Variants in RPIA observed in about 807,000 individuals in gnomAD.
The protein encoded by RPIA is ribose 5-phosphate isomerase A.
A neutral mutation model predicts 37.8 loss-of-function variants in RPIA; 29 were observed. The ratio of observed to expected loss-of-function variants is 0.77; its 90% CI spans 0.57 to 1.05. The LOEUF (loss-of-function observed/expected upper bound fraction) is 1.05. Ranked by LOEUF, RPIA falls within the 50% of genes least tolerant of loss-of-function variation. The probability of loss-of-function intolerance (pLI) is 0.00; values close to 1 mark genes in which losing one functional copy is unlikely to be tolerated. For synonymous variants in RPIA, 167 were observed against 157.0 expected, an observed-to-expected ratio of 1.06 and a Z score of -0.48; for missense variants, 385 against 413.6, an observed-to-expected ratio of 0.93 and a Z score of 0.60.
chr2:88,695,441 G>A (rs7609550), intron 1 of RPIA, among the ~76,000 whole-genome samples: 9,381 of 152,236 alleles, frequency 0.062, 514 homozygotes, highest in African/African-American at 0.14. Context: ...CTTGGGATAC[G>A]GGGAGAAATC....
rs537809065 is a variant in RPIA at position 88,705,846 on chromosome 2, TAAAC to T, written c.402+5786_402+5789del. ...TAATATCTAGAATCTACAAGGAACTTAAACAAATTTATAAGAAAAAAACAAACAG... is the reference window on the plus strand; with the variant it reads ...TAATATCTAGAATCTACAAGGAACTTAAATTTATAAGAAAAAAACAAACAG... On this transcript the variant is annotated intron_variant, in intron 3 of 8. Coordinates refer to ENST00000283646, the MANE Select transcript of RPIA (RefSeq NM_144563.3). Among the ~76,000 whole-genome samples the T allele has an allele frequency of 2.4e-3, 358 of 152,122 alleles. 3 individuals carry two copies. In the Middle Eastern group the frequency reaches 0.045, roughly 19 times the overall value.
chr2:88,743,471 C>T (rs577250081), intron 8 of RPIA, among the ~76,000 whole-genome samples: 2 of 152,244 alleles, frequency 1.3e-5, no homozygotes, highest in Admixed American at 1.3e-4. Flanking sequence ...CATTTATGTT[C>T]ATCAGGGATA....
intron 1 of RPIA, among the ~76,000 whole-genome samples, chr2:88,694,913 A>G (rs2104066051): frequency 6.6e-6 from 1 of 150,904 alleles, no homozygotes; most frequent in Middle Eastern, 3.4e-3. Flanking sequence ...TTGTTCAGTC[A>G]CATTTCTAGG....
At chr2:88,709,815 G>A (rs962202172) in intron 3 of RPIA, among the ~76,000 whole-genome samples, 5 of 152,180 alleles carry the variant, frequency 3.3e-5, no homozygotes, top group African/African-American at 4.8e-5. Flanking sequence ...TGGCTGCTGC[G>A]TCAACAAAAT....
chr2:88,697,063 G>A (rs2104069389), intron 1 of RPIA, among the ~76,000 whole-genome samples: 1 of 152,278 alleles, frequency 6.6e-6, no homozygotes, highest in East Asian at 1.9e-4. Flanking sequence ...CTATTAATTT[G>A]CATTTCAATG....
At chr2:88,746,462 T>TG (rs1673438932) in intron 8 of RPIA, among the ~76,000 whole-genome samples, 1 of 152,242 alleles carries the variant, frequency 6.6e-6, no homozygotes, top group Non-Finnish European at 1.5e-5. Context: ...GATCCCTTGA[T>TG]GGGGTGTTCT....
chr2:88,709,869 A>C (rs1195074107), intron 3 of RPIA, among the ~76,000 whole-genome samples: 1 of 152,204 alleles, frequency 6.6e-6, no homozygotes, highest in Non-Finnish European at 1.5e-5. Context: ...CAGGAATCTT[A>C]ATAATAGCCC....
chr2:88,727,742 A>G (rs1460018054), intron 3 of RPIA, among the ~76,000 whole-genome samples: 2 of 152,226 alleles, frequency 1.3e-5, no homozygotes, highest in Non-Finnish European at 2.9e-5. Context: ...TAACGGCTGC[A>G]TAGTTCTGAT....
Position 88,734,655 on chromosome 2 carries a change from C to T in RPIA, c.527+39C>T, listed in dbSNP as rs781160753. 8.8e-6 allele frequency: 14 copies of T among 1,593,938 alleles called. No homozygotes were observed. In the South Asian group the frequency reaches 1.4e-4, roughly 16 times the overall value. ...GGGCTTCTGTGCTAAAGAGTATCTG[C>T]CAGTTAATCCTTAGCAAAGCAAGAT... On this transcript the variant is annotated intron_variant, in intron 5 of 8. Coordinates refer to ENST00000283646, the MANE Select transcript of RPIA (RefSeq NM_144563.3).
chr2:88,723,886 A>G (rs1673164360), intron 3 of RPIA, among the ~76,000 whole-genome samples: 1 of 151,972 alleles, frequency 6.6e-6, no homozygotes, highest in Non-Finnish European at 1.5e-5. Context: ...AGGTGGGACA[A>G]CTCAAGCAAA....
At chr2:88,705,806 C>T (rs1672891039) in intron 3 of RPIA, among the ~76,000 whole-genome samples, 1 of 152,028 alleles carries the variant, frequency 6.6e-6, no homozygotes, top group Non-Finnish European at 1.5e-5. Flanking sequence ...GCAATCTATC[C>T]ATCTGACAAA....
intron 3 of RPIA, among the ~76,000 whole-genome samples, chr2:88,711,840 C>T (rs1380632227): frequency 6.6e-6 from 1 of 152,174 alleles, no homozygotes; most frequent in African/African-American, 2.4e-5. Flanking sequence ...TTGTTTTGTT[C>T]ATCTTAAGAT....
chr2:88,706,718 A>T (rs1672902495), intron 3 of RPIA, among the ~76,000 whole-genome samples: 1 of 152,160 alleles, frequency 6.6e-6, no homozygotes, highest in Admixed American at 6.5e-5. Flanking sequence ...AAAAAAAAGA[A>T]ATTAAGGGTC....
intron 3 of RPIA, among the ~76,000 whole-genome samples, chr2:88,713,121 T>TATATATATATATATA (rs58120689): frequency 1.4e-4 from 8 of 56,282 alleles, no homozygotes; most frequent in African/African-American, 4.8e-4. Context: ...TATATATATA[T>TATATATATATATATA]TTTTTTTTTT....
intron 1 of RPIA, 92 bp from the exon 2 acceptor site, chr2:88,698,392 C>A: frequency 8.9e-7 from 1 of 1,120,070 alleles, no homozygotes; most frequent in Non-Finnish European, 1.4e-6. Context: ...GATTGCTGTT[C>A]ATAATAATTT....
chr2:88,728,137 A>G (rs1673220858), intron 3 of RPIA, among the ~76,000 whole-genome samples: 2 of 152,246 alleles, frequency 1.3e-5, no homozygotes, highest in Admixed American at 6.5e-5. Context: ...CACCACAACA[A>G]TACTAAAAAG....
intron 3 of RPIA, among the ~76,000 whole-genome samples, chr2:88,727,906 A>T (rs532203729): frequency 6.6e-6 from 1 of 152,078 alleles, no homozygotes; most frequent in East Asian, 1.9e-4. Flanking sequence ...TTAGCTTTTT[A>T]TTATGGCAAA....
In RPIA at chr2:88,750,117, G is replaced by T. The variant is rs368918368; in HGVS notation, c.*39G>T. ...AGAGTGTGTTCACCTTGAGTCTCCA[G>T]CCCACAGCCAAGGTGGACGTACCTC... On this transcript the variant is annotated 3_prime_UTR_variant, in exon 9 of 9. Coordinates refer to ENST00000283646, the MANE Select transcript of RPIA (RefSeq NM_144563.3). 6.9e-7 allele frequency: 1 copy of T among 1,448,728 alleles called. No individual in the cohort carries two copies. Among genetic ancestry groups the T allele is most frequent in the African/African-American group, 1.4e-5 (1 of 71,438 alleles). 89.7% of individuals were successfully genotyped at this position (1,448,728 alleles called of 1,614,324 possible).
intron 3 of RPIA, 138 bp downstream of exon 3, chr2:88,700,202 C>T (rs1573460201): frequency 4.9e-6 from 4 of 809,662 alleles, no homozygotes; most frequent in East Asian, 4.9e-5. Flanking sequence ...AGTTTATTGA[C>T]CAAGGATTCC....
Sources: gnomAD v4.1 joint callset for allele counts (sites outside exome capture counted in the v4.1 genomes callset) on GRCh38, gnomAD v4.1.1 for gene constraint, MANE v1.5 for transcripts, NCBI Gene and HGNC (gene_info 2026-07-23, HGNC 2026-07-21) for gene names.